Variants in CRTC3 observed in about 807,000 individuals in gnomAD.
CRTC3 encodes the protein CREB-regulated transcription coactivator 3.
CRTC3 carries 26 observed loss-of-function variants against 74.5 expected under a neutral mutation model. The ratio of observed to expected loss-of-function variants is 0.35; its 90% CI spans 0.26 to 0.48. The LOEUF (loss-of-function observed/expected upper bound fraction) is 0.48. Ranked by LOEUF, CRTC3 falls within the 20% of genes least tolerant of loss-of-function variation. The pLI, the probability that CRTC3 is intolerant of heterozygous loss-of-function variation, is 0.99. For synonymous variants in CRTC3, 377 were observed against 325.8 expected (o/e 1.16, Z -1.69); for missense variants, 760 against 787.3 (o/e 0.97, Z 0.41).
chr15:90,642,216 A>ACCAC lies in CRTC3; in HGVS notation c.*77_*80dup. On this transcript the variant is annotated 3_prime_UTR_variant, in exon 15 of 15. Coordinates refer to ENST00000268184, the MANE Select transcript of CRTC3 (RefSeq NM_022769.5). ...ATGGAATAGAATGAAGCCAGCTGAT[A>ACCAC]CCACGGGCTTTCGTTATCTTGACAT... is the stretch of plus-strand genomic sequence containing the variant. 1 of 1,274,046 alleles carries ACCAC rather than the reference A, an allele frequency of 7.8e-7. No homozygotes were observed. Among genetic ancestry groups the ACCAC allele is most frequent in the Non-Finnish European group, 1.1e-6 (1 of 887,048 alleles). The allele number at this position is 1,274,046 out of a possible 1,614,324, so 78.9% of individuals were successfully genotyped here.
intron 11 of CRTC3, among the ~76,000 whole-genome samples, chr15:90,636,552 C>T (rs1197961470): frequency 1.3e-5 from 2 of 151,916 alleles, no homozygotes; most frequent in African/African-American, 4.8e-5. Flanking sequence ...CCAAAATTAA[C>T]AAATGGGATC....
intron 2 of CRTC3, among the ~76,000 whole-genome samples, chr15:90,543,770 G>GT (rs1290083905): frequency 6.6e-6 from 1 of 151,922 alleles, no homozygotes; most frequent in East Asian, 1.9e-4. Flanking sequence ...CCTTTTTTAG[G>GT]TATACAGCTC....
At chr15:90,535,868 A>C (rs1358831638) in intron 1 of CRTC3, among the ~76,000 whole-genome samples, 1 of 152,180 alleles carries the variant, frequency 6.6e-6, no homozygotes, top group East Asian at 1.9e-4. Flanking sequence ...TTTGTGGATG[A>C]GTAAACTGAG....
At chr15:90,540,232 G>A in intron 2 of CRTC3, 95 bp downstream of exon 2, 1 of 840,836 alleles carries the variant, frequency 1.2e-6, no homozygotes, top group Non-Finnish European at 1.9e-6. Flanking sequence ...GGATAAGCTG[G>A]GCCTAGGTAC....
intron 2 of CRTC3, among the ~76,000 whole-genome samples, chr15:90,583,899 C>CT (rs940447257): frequency 5.3e-5 from 8 of 151,822 alleles, no homozygotes; most frequent in Non-Finnish European, 1.5e-5. Flanking sequence ...GTATGACATC[C>CT]TTTTTTATTC....
intron 4 of CRTC3, chr15:90,604,169 A>G (rs1968156562): frequency 3.9e-6 from 2 of 509,662 alleles, no homozygotes; most frequent in East Asian, 3.3e-5. Flanking sequence ...AGTAGTTTTT[A>G]TACTGGAAAT....
At chr15:90,636,759 T>G (rs1262158364) in intron 11 of CRTC3, among the ~76,000 whole-genome samples, 1 of 152,144 alleles carries the variant, frequency 6.6e-6, no homozygotes, top group East Asian at 1.9e-4. Context: ...GAACAGACAC[T>G]CTTCAAAAGA....
chr15:90,626,504 A>G (rs752306050), intron 10 of CRTC3, among the ~76,000 whole-genome samples: 1 of 152,196 alleles, frequency 6.6e-6, no homozygotes, highest in Non-Finnish European at 1.5e-5. Flanking sequence ...CATTAGCTAT[A>G]TAAAGATGCT....
At chr15:90,592,698 CTTTA>C (rs142690133) in intron 2 of CRTC3, among the ~76,000 whole-genome samples, 216 of 152,162 alleles carry the variant, frequency 1.4e-3, no homozygotes, top group Middle Eastern at 0.01. Flanking sequence ...CTTTTTTCCT[CTTTA>C]ACTCAGGGGT....
intron 2 of CRTC3, among the ~76,000 whole-genome samples, chr15:90,576,681 A>G (rs1376281757): frequency 3.9e-5 from 6 of 152,208 alleles, no homozygotes; most frequent in Non-Finnish European, 8.8e-5. Flanking sequence ...ATGGGACGGC[A>G]TGGAGCCCCA....
chr15:90,628,867 C>T (rs4932358), intron 10 of CRTC3, among the ~76,000 whole-genome samples: 1 of 151,826 alleles, frequency 6.6e-6, no homozygotes, highest in Non-Finnish European at 1.5e-5. Context: ...AGAGACCTTC[C>T]GGGGCTCTAA....
At chr15:90,550,718 T>C (rs578209846) in intron 2 of CRTC3, among the ~76,000 whole-genome samples, 2 of 151,908 alleles carry the variant, frequency 1.3e-5, no homozygotes, top group East Asian at 3.9e-4. Flanking sequence ...CAAGGTAATA[T>C]AAAGTAGCAT....
intron 11 of CRTC3, chr15:90,634,613 CAG>C (rs1969164979): frequency 2.1e-6 from 1 of 469,724 alleles, no homozygotes; most frequent in Admixed American, 3.5e-5. Context: ...ATGGTTTCCT[CAG>C]GGCCTGGTGA....
At chr15:90,614,586 C>CT in intron 7 of CRTC3, 98 bp downstream of exon 7, 1 of 853,264 alleles carries the variant, frequency 1.2e-6, no homozygotes, top group Non-Finnish European at 1.9e-6. Context: ...GTTTTCAGGA[C>CT]TCCCCCAAAT....
intron 2 of CRTC3, among the ~76,000 whole-genome samples, chr15:90,587,978 T>C (rs1488294696): frequency 6.8e-6 from 1 of 146,110 alleles, no homozygotes; most frequent in African/African-American, 2.5e-5. Flanking sequence ...CCAGGCACAA[T>C]GGCTCATGCC....
chr15:90,542,202 C>T (rs1345381857), intron 2 of CRTC3, among the ~76,000 whole-genome samples: 5 of 148,812 alleles, frequency 3.4e-5, no homozygotes, highest in African/African-American at 7.5e-5. Flanking sequence ...TTTTTGAGAC[C>T]GAGTCTCATT....
At chr15:90,619,709 G>T in intron 8 of CRTC3, 32 bp from the exon 9 acceptor site, 1 of 1,606,552 alleles carries the variant, frequency 6.2e-7, no homozygotes, top group African/African-American at 1.3e-5. Context: ...GCTTTACAGC[G>T]AGTAAGCCCA....
intron 2 of CRTC3, among the ~76,000 whole-genome samples, chr15:90,555,851 T>G (rs1378097578): frequency 2.0e-5 from 3 of 152,114 alleles, no homozygotes; most frequent in Non-Finnish European, 4.4e-5. Flanking sequence ...TTTTAAACCT[T>G]TACGTTCAGG....
intron 2 of CRTC3, among the ~76,000 whole-genome samples, chr15:90,567,497 G>A (rs1270730436): frequency 6.6e-6 from 1 of 151,956 alleles, no homozygotes; most frequent in African/African-American, 2.4e-5. Flanking sequence ...GAACAGCCTG[G>A]CCAACATGGT....
Sources: gnomAD v4.1 joint callset for allele counts (sites outside exome capture counted in the v4.1 genomes callset) on GRCh38, gnomAD v4.1.1 for gene constraint, MANE v1.5 for transcripts, NCBI Gene and HGNC (gene_info 2026-07-23, HGNC 2026-07-21) for gene names.